The following COQ10B variants were observed in gnomAD, a reference collection of about 807,000 sequenced individuals.
COQ10B encodes coenzyme Q10B.
In COQ10B, 12 loss-of-function variants were observed where a neutral mutation model predicts 27.6. That is an observed-to-expected ratio of 0.43 (90% CI 0.28 to 0.70). The LOEUF (loss-of-function observed/expected upper bound fraction) is 0.70, where lower values mean the gene tolerates loss of function less well. Ranked by LOEUF, COQ10B falls within the 30% of genes least tolerant of loss-of-function variation. The pLI is 0.17. For synonymous variants in COQ10B, 115 were observed against 103.0 expected, an observed-to-expected ratio of 1.12 and a Z score of -0.71; for missense variants, 278 against 288.7, an observed-to-expected ratio of 0.96 and a Z score of 0.27.
At chr2:197,465,586 C>T (rs1349816167) in intron 3 of COQ10B, among the ~76,000 whole-genome samples, 1 of 152,124 alleles carries the variant, frequency 6.6e-6, no homozygotes, top group African/African-American at 2.4e-5. Flanking sequence ...GCCACCAGGC[C>T]CAGCCTCTCT....
At chr2:197,456,402 T>G (rs2085698694) in intron 1 of COQ10B, among the ~76,000 whole-genome samples, 1 of 149,520 alleles carries the variant, frequency 6.7e-6, no homozygotes, top group Non-Finnish European at 1.5e-5. Context: ...AGGCAGAGGT[T>G]GCAGTGAGCC....
At chr2:197,461,647 G>C (rs1258731799) in intron 2 of COQ10B, among the ~76,000 whole-genome samples, 2 of 144,852 alleles carry the variant, frequency 1.4e-5, no homozygotes, top group African/African-American at 5.7e-5. Context: ...GAGAGAGAGA[G>C]AGAGAGAGAG....
At chr2:197,460,222 T>C in intron 2 of COQ10B, 141 bp downstream of exon 2, 1 of 559,936 alleles carries the variant, frequency 1.8e-6, no homozygotes. Context: ...TTTTTTTTTT[T>C]TTTTCTTTTG....
intron 2 of COQ10B, 49 bp from the exon 3 acceptor site, chr2:197,462,490 A>G (rs2085771626): frequency 7.5e-6 from 7 of 930,566 alleles, no homozygotes; most frequent in Middle Eastern, 6.0e-4. Flanking sequence ...TGCATATATT[A>G]TATAACTAGA....
intron 1 of COQ10B, chr2:197,454,358 A>G: frequency 2.6e-6 from 1 of 388,612 alleles, no homozygotes; most frequent in Non-Finnish European, 4.6e-6. Flanking sequence ...CTTGAAAATT[A>G]AAGTTAGTGT....
intron 1 of COQ10B, among the ~76,000 whole-genome samples, chr2:197,456,147 CCTCT>C (rs1323211657): frequency 6.6e-6 from 1 of 151,948 alleles, no homozygotes; most frequent in East Asian, 1.9e-4. Flanking sequence ...CATGACGAGT[CCTCT>C]CTCATATGTG....
rs2085932355 is a variant in COQ10B, at chr2:197,474,793, C to G, written c.*869C>G. ...ATTCATTGCCATAATGAGGCTAGCT[C>G]CCAGATAAACAGTGTATTTTCTTCT... On this transcript the variant is annotated 3_prime_UTR_variant, in exon 5 of 5. Coordinates refer to ENST00000263960, the MANE Select transcript of COQ10B (RefSeq NM_025147.5). 6.6e-6 allele frequency: 1 copy of G among 151,810 alleles called. No individual in the cohort carries two copies. Among genetic ancestry groups the G allele is most frequent in the African/African-American group, 2.4e-5 (1 of 41,268 alleles). The allele number at this position is 151,810 out of a possible 1,614,324, so 9.4% of individuals were successfully genotyped here. A position where few individuals can be genotyped will look rare whatever the true frequency, so the allele number is the denominator to read the frequency against.
chr2:197,474,867 C>T lies in COQ10B; in HGVS notation c.*943C>T, dbSNP rs888710971. On this transcript the variant is annotated 3_prime_UTR_variant, in exon 5 of 5. Transcript: ENST00000263960. Reference sequence around the variant, plus strand: ...GGTCCAGAGCTTTAAGCTACTTTTCCAGTAGTTTGCCACTTTCTCCGAGGT... The same window carrying T: ...GGTCCAGAGCTTTAAGCTACTTTTCTAGTAGTTTGCCACTTTCTCCGAGGT... 2.0e-5 allele frequency: 3 copies of T among 146,980 alleles called. No individual in the cohort carries two copies. Among genetic ancestry groups the T allele is most frequent in the Non-Finnish European group, 4.5e-5 (3 of 67,252 alleles). 9.1% of individuals were successfully genotyped at this position (146,980 alleles called of 1,614,324 possible).
chr2:197,465,146 A>G (rs2085810701), intron 3 of COQ10B, among the ~76,000 whole-genome samples: 2 of 152,098 alleles, frequency 1.3e-5, no homozygotes, highest in African/African-American at 2.4e-5. Flanking sequence ...CAGCCTCCCA[A>G]AGTGCTGGGA....
At chr2:197,463,476 T>TAAAAAAAAAAA (rs777842364) in intron 3 of COQ10B, among the ~76,000 whole-genome samples, 1 of 109,598 alleles carries the variant, frequency 9.1e-6, no homozygotes. Context: ...GTCTCAAAAT[T>TAAAAAAAAAAA]AAAAAAAAAA....
At position 197,472,601 on chromosome 2, in the gene COQ10B, T is replaced by C. The variant is rs192872108; in HGVS notation, c.550-1156T>C. 7.3e-3 allele frequency among the ~76,000 whole-genome samples: 1,108 copies of C among 152,038 alleles called. 10 individuals carry two copies. Among genetic ancestry groups the C allele is most frequent in the South Asian group, 0.013 (61 of 4,810 alleles). ...GGTGGATTACCTGAGGTCAGGAGTTTGAGACCAGCCTGGCCAACATGGTGA... is the reference window on the plus strand; with the variant it reads ...GGTGGATTACCTGAGGTCAGGAGTTCGAGACCAGCCTGGCCAACATGGTGA... On this transcript the variant is annotated intron_variant, in intron 4 of 4. Transcript: ENST00000263960.
At chr2:197,455,032 T>C (rs2085681380) in intron 1 of COQ10B, among the ~76,000 whole-genome samples, 1 of 152,128 alleles carries the variant, frequency 6.6e-6, no homozygotes, top group Non-Finnish European at 1.5e-5. Context: ...ACTGTAACTA[T>C]AGCATGCAGA....
intron 2 of COQ10B, 121 bp downstream of exon 2, chr2:197,460,202 G>T: frequency 1.6e-6 from 1 of 643,604 alleles, no homozygotes; most frequent in Non-Finnish European, 2.4e-6. Flanking sequence ...TTCTAGGTTG[G>T]CCTTTTTCTT....
intron 4 of COQ10B, among the ~76,000 whole-genome samples, chr2:197,473,446 A>G (rs1357848625): frequency 8.6e-5 from 10 of 116,936 alleles, no homozygotes; most frequent in Non-Finnish European, 1.3e-4. Context: ...ATATATACAC[A>G]TATATACATA....
intron 1 of COQ10B, among the ~76,000 whole-genome samples, chr2:197,457,222 A>G (rs1331278366): frequency 2.0e-5 from 3 of 152,212 alleles, no homozygotes; most frequent in Admixed American, 1.3e-4. Context: ...CAGGCCACGG[A>G]CAGGTACCAG....
At chr2:197,460,210 CT>C (rs781514263) in intron 2 of COQ10B, 129 bp downstream of exon 2, 37,818 of 371,892 alleles carry the variant, frequency 0.1, 3 homozygotes, top group Middle Eastern at 0.14. Context: ...TGGCCTTTTT[CT>C]TTTTTTTTTT....
intron 2 of COQ10B, among the ~76,000 whole-genome samples, chr2:197,461,272 G>A (rs1321410402): frequency 6.6e-6 from 1 of 152,002 alleles, no homozygotes; most frequent in Non-Finnish European, 1.5e-5. Flanking sequence ...CAGAAACCCA[G>A]GCTACATCCA....
At chr2:197,465,107 G>T (rs1186388698) in intron 3 of COQ10B, among the ~76,000 whole-genome samples, 1 of 151,860 alleles carries the variant, frequency 6.6e-6, no homozygotes, top group Admixed American at 6.6e-5. Context: ...GGATGGTCTC[G>T]ATCTCCTGAC....
intron 2 of COQ10B, among the ~76,000 whole-genome samples, chr2:197,460,684 T>C (rs554534003): frequency 6.6e-6 from 1 of 152,342 alleles, no homozygotes; most frequent in South Asian, 2.1e-4. Context: ...TGTATAGATA[T>C]ACATAGATAA....
Sources: allele counts gnomAD v4.1 joint callset (sites outside exome capture counted in the v4.1 genomes callset), GRCh38; gene constraint gnomAD v4.1.1; transcripts MANE v1.5; gene names NCBI Gene and HGNC (gene_info 2026-07-23, HGNC 2026-07-21).